The following AATF variants were observed in gnomAD, a reference collection of about 807,000 sequenced individuals.
AATF encodes apoptosis antagonizing transcription factor, also known as protein AATF.
AATF carries 48 observed loss-of-function variants against 63.7 expected under a neutral mutation model. That is an observed-to-expected ratio of 0.75 (90% CI 0.60 to 0.96). The LOEUF is 0.96. AATF is among the 40% of genes least tolerant of loss of function. The pLI is 0.00. For synonymous variants in AATF, 258 were observed against 247.7 expected (o/e 1.04, Z -0.39); for missense variants, 639 against 685.7 (o/e 0.93, Z 0.76).
chr17:37,039,294 T>G (rs776644335), intron 11 of AATF, among the ~76,000 whole-genome samples: 1 of 152,132 alleles, frequency 6.6e-6, no homozygotes. Context: ...AGGCTTCGTA[T>G]CTCCTAAAAA....
chr17:36,965,122 G>A (rs780398065), intron 4 of AATF, among the ~76,000 whole-genome samples: 24 of 152,186 alleles, frequency 1.6e-4, no homozygotes, highest in Non-Finnish European at 3.4e-4. Context: ...AGTATTGCCT[G>A]TTACTGGTTT....
At chr17:36,968,270 CTTTTTTTTTTTTTTTTT>C (rs3049638) in intron 4 of AATF, among the ~76,000 whole-genome samples, 1 of 23,764 alleles carries the variant, frequency 4.2e-5, no homozygotes, top group East Asian at 1.2e-3. Flanking sequence ...TTCCTTCTTT[CTTTTTTTTTTTTTTTTT>C]TTTTTTTTTT....
intron 11 of AATF, chr17:37,045,510 C>T (rs2071682200): frequency 6.6e-6 from 1 of 152,228 alleles, no homozygotes. Context: ...GGGGTTGGGC[C>T]TTTTGTCTCT....
At chr17:37,031,397 T>C in intron 10 of AATF, 1 of 575,134 alleles carries the variant, frequency 1.7e-6, no homozygotes, top group South Asian at 2.2e-5. Context: ...TTTGTATCCA[T>C]AGAGAGTCCT....
At chr17:36,988,211 T>G (rs1287710002) in intron 5 of AATF, among the ~76,000 whole-genome samples, 2 of 151,988 alleles carry the variant, frequency 1.3e-5, no homozygotes, top group Non-Finnish European at 2.9e-5. Context: ...CAGCTACCCA[T>G]GAGGCTGAGG....
At chr17:37,042,014 T>C (rs1309790835) in intron 11 of AATF, among the ~76,000 whole-genome samples, 2 of 152,166 alleles carry the variant, frequency 1.3e-5, no homozygotes, top group Non-Finnish European at 2.9e-5. Flanking sequence ...CCTTTGCCCA[T>C]TTTCTTTTTG....
At chr17:37,046,767 A>ACG (rs912469516) in intron 11 of AATF, among the ~76,000 whole-genome samples, 12 of 150,762 alleles carry the variant, frequency 8.0e-5, no homozygotes, top group Admixed American at 5.3e-4. Context: ...ACACACACAC[A>ACG]CACGCATGCA....
chr17:37,026,018 C>T (rs189313044), intron 10 of AATF, among the ~76,000 whole-genome samples: 2 of 152,312 alleles, frequency 1.3e-5, no homozygotes, highest in African/African-American at 2.4e-5. Context: ...AAAGACATAT[C>T]TATACCCCCT....
At chr17:37,009,893 G>A (rs1284676252) in intron 8 of AATF, among the ~76,000 whole-genome samples, 1 of 148,640 alleles carries the variant, frequency 6.7e-6, no homozygotes, top group East Asian at 2.0e-4. Flanking sequence ...TGTTTGTTGT[G>A]TAGGTCATCT....
At chr17:36,949,608 G>T (rs1218179568) in intron 1 of AATF, among the ~76,000 whole-genome samples, 1 of 152,226 alleles carries the variant, frequency 6.6e-6, no homozygotes, top group Non-Finnish European at 1.5e-5. Context: ...AATTCAGGTT[G>T]CCCTTCAAAA....
chr17:36,978,994 C>T (rs866824089), intron 4 of AATF, among the ~76,000 whole-genome samples: 14 of 151,936 alleles, frequency 9.2e-5, no homozygotes, highest in African/African-American at 3.4e-4. Context: ...GGGTAGCCCG[C>T]GAGTTGCACA....
At chr17:37,012,932 C>G (rs1184385614) in intron 8 of AATF, among the ~76,000 whole-genome samples, 8 of 152,064 alleles carry the variant, frequency 5.3e-5, no homozygotes, top group African/African-American at 1.9e-4. Flanking sequence ...GCTTCATGAC[C>G]TTGGGTTAGG....
At chr17:37,027,816 T>A (rs981756601) in intron 10 of AATF, among the ~76,000 whole-genome samples, 1 of 152,160 alleles carries the variant, frequency 6.6e-6, no homozygotes, top group African/African-American at 2.4e-5. Context: ...GTGTGGCTAG[T>A]AGCTACTGTA....
intron 11 of AATF, among the ~76,000 whole-genome samples, chr17:37,037,893 G>A (rs2071605923): frequency 1.3e-5 from 2 of 152,144 alleles, no homozygotes; most frequent in Admixed American, 6.5e-5. Flanking sequence ...GTTTAGCAGT[G>A]TGTGGCTTCT....
Position 37,041,651 on chromosome 17 carries a change from G to A in AATF, c.1619+9966G>A, listed in dbSNP as rs563488954. On this transcript the variant is annotated intron_variant, in intron 11 of 11. Transcript: ENST00000619387. ...CTCCCAAGTAGATGGGACTACAGGC[G>A]TGTCCTATTACACCCGGCTAATTTT... Among the ~76,000 whole-genome samples the A allele has an allele frequency of 9.2e-5, 14 of 152,176 alleles. No individual in the cohort carries two copies. The East Asian group carries it at 1.2e-3, about 13-fold the overall frequency.
At chr17:37,054,397 T>C (rs1363107059) in intron 11 of AATF, 2 of 152,314 alleles carry the variant, frequency 1.3e-5, no homozygotes, top group East Asian at 3.9e-4. Flanking sequence ...CAGCTGGTGA[T>C]AGTGGGTGAG....
At chr17:36,976,008 A>C (rs556123526) in intron 4 of AATF, among the ~76,000 whole-genome samples, 13 of 152,306 alleles carry the variant, frequency 8.5e-5, no homozygotes, top group Admixed American at 2.0e-4. Flanking sequence ...CCTGCTTTCC[A>C]TCCATGTGAT....
intron 4 of AATF, 142 bp from the exon 5 acceptor site, chr17:36,986,474 GA>G: frequency 4.7e-6 from 3 of 636,572 alleles, no homozygotes; most frequent in Non-Finnish European, 8.5e-6. Context: ...ATATTTCAGA[GA>G]GTATTTAGTT....
intron 4 of AATF, among the ~76,000 whole-genome samples, chr17:36,963,456 T>C (rs2142215156): frequency 6.6e-6 from 1 of 152,342 alleles, no homozygotes; most frequent in Non-Finnish European, 1.5e-5. Flanking sequence ...TGCCACACAT[T>C]ATGTACAATA....
Sources: gnomAD v4.1 joint callset for allele counts (sites outside exome capture counted in the v4.1 genomes callset) on GRCh38, gnomAD v4.1.1 for gene constraint, MANE v1.5 for transcripts, NCBI Gene and HGNC (gene_info 2026-07-23, HGNC 2026-07-21) for gene names.